The following HEATR4 variants were observed in gnomAD, a reference collection of about 807,000 sequenced individuals.
HEATR4 encodes HEAT repeat-containing protein 4.
In HEATR4, 95 loss-of-function variants were observed where a neutral mutation model predicts 108.8. That is an observed-to-expected ratio of 0.87 (90% CI 0.74 to 1.04). The LOEUF (loss-of-function observed/expected upper bound fraction) is 1.04. HEATR4 is among the 50% of genes least tolerant of loss of function. The pLI, the probability that HEATR4 is intolerant of heterozygous loss-of-function variation, is 0.00. For missense variants in HEATR4, 1,152 were observed against 1,253.8 expected (o/e 0.92, Z 1.23); for synonymous variants, 443 against 459.4 (o/e 0.96, Z 0.46).
At chr14:73,565,659 C>T in the HEATR4 span, among the ~76,000 whole-genome samples, 22 of 151,936 alleles carry the variant, frequency 1.4e-4, no homozygotes, top group African/African-American at 4.8e-4. Context: ...TGCGGACCTT[C>T]GTGGTGAGTG....
At chr14:73,502,416 C>G (rs147424390) in intron 11 of HEATR4, among the ~76,000 whole-genome samples, 2 of 152,298 alleles carry the variant, frequency 1.3e-5, no homozygotes, top group Admixed American at 6.5e-5. Flanking sequence ...CTCACACCTA[C>G]TGGGCACTCA....
At chr14:73,510,879 T>C (rs1226073271) in intron 7 of HEATR4, among the ~76,000 whole-genome samples, 1 of 152,166 alleles carries the variant, frequency 6.6e-6, no homozygotes, top group Admixed American at 6.5e-5. Flanking sequence ...AATTCTAGGG[T>C]CCACAAAGGG....
At chr14:73,587,649 C>G in the HEATR4 span, among the ~76,000 whole-genome samples, 2 of 152,172 alleles carry the variant, frequency 1.3e-5, no homozygotes, top group African/African-American at 4.8e-5. Flanking sequence ...AGCCACTGCA[C>G]CTGGCCCATC....
rs1015402288 is a variant in HEATR4, at chr14:73,520,927, A to G, written c.994T>C (p.Phe332Leu). The change falls in exon 4 of 18, where the codon TTT becomes CTT. Residue 332 changes from phenylalanine (F) to leucine (L), a missense_variant. Coordinates refer to ENST00000553558, the MANE Select transcript of HEATR4 (RefSeq NM_001220484.1). Reference protein sequence around the residue: ...SLSQPQTQSYFRQVTPRAGKF... With the variant: ...SLSQPQTQSYLRQVTPRAGKF... ...CCAGCTCGGGGAGTCACCTGGCGAA[A>G]GTAGCTCTGGGTTTGGGGCTGGGAG... 1.2e-6 allele frequency: 2 copies of G among 1,613,910 alleles called. No homozygotes were observed. The highest frequency in any genetic ancestry group is 2.7e-5 in the African/African-American group (2 of 74,880).
Position 73,495,334 on chromosome 14 carries a change from C to T in HEATR4, c.2679G>A (p.Glu893=). ...CCTCCCTCACTTTTCCCATGACCAT[C>T]TCCAGCTTGAGTATTTTGTGTGTCA... is the stretch of plus-strand genomic sequence containing the variant. ...DLLTHKILKL[E]MVMGKVREEA... is the part of the protein sequence containing the mutation. Residue 893 remains glutamate, a synonymous_variant, in exon 16 of 18, where the codon GAG becomes GAA. Coordinates refer to ENST00000553558, the MANE Select transcript of HEATR4 (RefSeq NM_001220484.1). The T allele has an allele frequency of 1.2e-6, 2 of 1,614,014 alleles. No homozygotes were observed. The highest frequency in any genetic ancestry group is 2.2e-5 in the East Asian group (1 of 44,854).
the HEATR4 span, among the ~76,000 whole-genome samples, chr14:73,608,455 G>C: frequency 1.3e-5 from 2 of 152,112 alleles, no homozygotes; most frequent in Non-Finnish European, 2.9e-5. Flanking sequence ...ATCTCCATCT[G>C]AGACCACCTC....
At chr14:73,610,559 G>C in the HEATR4 span, among the ~76,000 whole-genome samples, 1 of 152,124 alleles carries the variant, frequency 6.6e-6, no homozygotes. Flanking sequence ...CCAAAGTGCT[G>C]GGATTACAGG....
chr14:73,493,830 T>G (rs901026692), intron 16 of HEATR4, among the ~76,000 whole-genome samples: 1 of 152,190 alleles, frequency 6.6e-6, no homozygotes, highest in Admixed American at 6.5e-5. Context: ...AGAGCGAGAC[T>G]CCGTCTCAAA....
the HEATR4 span, among the ~76,000 whole-genome samples, chr14:73,589,048 T>G: frequency 4.6e-5 from 7 of 152,184 alleles, no homozygotes; most frequent in Admixed American, 4.6e-4. Context: ...CCCACCAGAA[T>G]GGTACATTTG....
chr14:73,595,372 C>T, the HEATR4 span: 1 of 1,614,228 alleles, frequency 6.2e-7, no homozygotes, highest in Non-Finnish European at 8.5e-7. Context: ...ATGACCATAA[C>T]TGGAGAAGTG....
chr14:73,504,082 T>C (rs1344643122), intron 10 of HEATR4, among the ~76,000 whole-genome samples: 1 of 151,180 alleles, frequency 6.6e-6, no homozygotes, highest in Non-Finnish European at 1.5e-5. Flanking sequence ...ATTTCTTTTT[T>C]TTTTTTTTTT....
rs1159424510 is a variant in HEATR4 at position 73,547,498 on chromosome 14, A to C, written c.-152+11253T>G. On this transcript the variant is annotated intron_variant, in intron 1 of 17. Coordinates refer to ENST00000553558, the MANE Select transcript of HEATR4 (RefSeq NM_001220484.1). ...AGTGCTGGGATTACAGGCAATCACC[A>C]CTGCACCTGGCCATCATGAATAATT... 2.6e-5 allele frequency among the ~76,000 whole-genome samples: 3 copies of C among 115,308 alleles called. 1 individual carries two copies. The Admixed American group carries it at 3.0e-4, about 11-fold the overall frequency. The allele number at this position is 115,308 out of a possible 152,430, so 75.6% of individuals were successfully genotyped here. A position where few individuals can be genotyped will look rare whatever the true frequency, so the allele number is the denominator to read the frequency against.
At chr14:73,630,932 G>A in the HEATR4 span, among the ~76,000 whole-genome samples, 8 of 152,224 alleles carry the variant, frequency 5.3e-5, no homozygotes, top group South Asian at 6.2e-4. Context: ...TATTTATGGC[G>A]AAAGGACCAA....
chr14:73,630,152 A>G, the HEATR4 span, among the ~76,000 whole-genome samples: 2 of 152,190 alleles, frequency 1.3e-5, no homozygotes, highest in Admixed American at 1.3e-4. Context: ...AGCAAAAAGA[A>G]GACGCAGATA....
intron 15 of HEATR4, among the ~76,000 whole-genome samples, chr14:73,495,854 A>G (rs1273880912): frequency 1.3e-5 from 2 of 152,144 alleles, no homozygotes; most frequent in Non-Finnish European, 2.9e-5. Context: ...CAGGCCAGGC[A>G]TGATGGCTCA....
At chr14:73,500,914 A>G (rs1886416025) in intron 11 of HEATR4, among the ~76,000 whole-genome samples, 184 bp from the exon 12 acceptor site, 1 of 152,172 alleles carries the variant, frequency 6.6e-6, no homozygotes, top group Non-Finnish European at 1.5e-5. Context: ...TGAATCCCTA[A>G]TACATAGCTG....
chr14:73,513,788 AAT>A (rs1887420812), intron 6 of HEATR4, among the ~76,000 whole-genome samples: 1 of 149,778 alleles, frequency 6.7e-6, no homozygotes, highest in Admixed American at 6.7e-5. Flanking sequence ...TCTGCAGTGT[AAT>A]AATGAGTTTC....
At chr14:73,521,936 A>G (rs952169225) in intron 3 of HEATR4, among the ~76,000 whole-genome samples, 1 of 152,212 alleles carries the variant, frequency 6.6e-6, no homozygotes, top group African/African-American at 2.4e-5. Context: ...CCAGCTGGGA[A>G]TGACTTTGTT....
At chr14:73,506,420 C>T in intron 10 of HEATR4, 47 bp downstream of exon 10, 2 of 1,400,802 alleles carry the variant, frequency 1.4e-6, no homozygotes, top group Non-Finnish European at 2.0e-6. Context: ...CTCTGTAGCT[C>T]AGCCTCTCTT....
Sources: gnomAD v4.1 joint callset for allele counts (sites outside exome capture counted in the v4.1 genomes callset) on GRCh38, gnomAD v4.1.1 for gene constraint, MANE v1.5 for transcripts, NCBI Gene and HGNC (gene_info 2026-07-23, HGNC 2026-07-21) for gene names.